Variants in GALNT17 observed in about 807,000 individuals in gnomAD.
The protein encoded by GALNT17 is UDP-GalNAc:polypeptide N-acetylgalactosaminyltransferase-like 3.
In GALNT17, 29 loss-of-function variants were observed where a neutral mutation model predicts 63.7. That is an observed-to-expected ratio of 0.46 (90% CI 0.34 to 0.62). The LOEUF (loss-of-function observed/expected upper bound fraction) is 0.62, where lower values mean the gene tolerates loss of function less well. Ranked by LOEUF, GALNT17 falls within the 20% of genes least tolerant of loss-of-function variation. GALNT17 has a pLI of 0.01. For synonymous variants in GALNT17, 305 were observed against 318.3 expected (o/e 0.96, Z 0.45); for missense variants, 603 against 799.6 (o/e 0.75, Z 2.97).
At chr7:71,362,846 C>T (rs2707427) in intron 2 of GALNT17, among the ~76,000 whole-genome samples, 4,786 of 152,242 alleles carry the variant, frequency 0.031, 247 homozygotes, top group African/African-American at 0.11. Context: ...ACTGAAAGAC[C>T]GTACACGGGT....
intron 6 of GALNT17, among the ~76,000 whole-genome samples, chr7:71,630,207 C>T (rs778267025): frequency 3.9e-5 from 6 of 152,196 alleles, no homozygotes; most frequent in African/African-American, 9.6e-5. Context: ...TACACCAGGC[C>T]AAAGTCACCA....
chr7:71,546,450 C>G lies in GALNT17; in HGVS notation c.963-24835C>G, dbSNP rs1788986447. Among the ~76,000 whole-genome samples the G allele has an allele frequency of 2.0e-5, 3 of 152,186 alleles. No individual in the cohort carries two copies. In the South Asian group the frequency reaches 6.2e-4, roughly 31 times the overall value. On this transcript the variant is annotated intron_variant, in intron 5 of 10. Coordinates refer to ENST00000333538, the MANE Select transcript of GALNT17 (RefSeq NM_022479.3). Reference sequence around the variant, plus strand: ...ATGCTGAGATTATAGGCCCAAGCCACTGCGCCCAGCTGACAACTTTCTTTT... The same window carrying G: ...ATGCTGAGATTATAGGCCCAAGCCAGTGCGCCCAGCTGACAACTTTCTTTT...
chr7:71,655,256 C>CTT (rs78993389), intron 6 of GALNT17, among the ~76,000 whole-genome samples: 137,837 of 151,954 alleles, frequency 0.91, 64,034 homozygotes, highest in South Asian at 1. Context: ...TCTTGTCTCT[C>CTT]AAAAAAAGAA....
chr7:71,519,114 C>T (rs1361644474), intron 5 of GALNT17, among the ~76,000 whole-genome samples: 1 of 152,130 alleles, frequency 6.6e-6, no homozygotes, highest in Non-Finnish European at 1.5e-5. Context: ...ACAAGTCCAG[C>T]TGGCTCAGGG....
chr7:71,404,521 A>G (rs1793293888), intron 3 of GALNT17, among the ~76,000 whole-genome samples: 1 of 152,152 alleles, frequency 6.6e-6, no homozygotes, highest in South Asian at 2.1e-4. Context: ...TAAGTCTGCA[A>G]AGCTGAGAGA....
intron 1 of GALNT17, among the ~76,000 whole-genome samples, chr7:71,273,854 T>TGTGAGAGA (rs763085671): frequency 2.0e-5 from 3 of 151,360 alleles, no homozygotes; most frequent in Non-Finnish European, 4.4e-5. Flanking sequence ...TGTGTGTGTG[T>TGTGAGAGA]GAGAGAGAGA....
At chr7:71,250,047 A>T (rs1257824772) in intron 1 of GALNT17, among the ~76,000 whole-genome samples, 3 of 152,218 alleles carry the variant, frequency 2.0e-5, no homozygotes, top group African/African-American at 7.2e-5. Context: ...TATAAATTAA[A>T]TTATAGCATT....
intron 5 of GALNT17, among the ~76,000 whole-genome samples, chr7:71,448,371 GT>G (rs1787195765): frequency 2.6e-5 from 4 of 152,072 alleles, no homozygotes; most frequent in African/African-American, 9.7e-5. Flanking sequence ...GTGTGTGTGT[GT>G]GTGTGTGGTC....
chr7:71,327,841 C>T (rs2116044697), intron 1 of GALNT17, among the ~76,000 whole-genome samples: 1 of 152,254 alleles, frequency 6.6e-6, no homozygotes, highest in Admixed American at 6.5e-5. Context: ...AGAGGCATGC[C>T]TGATAACAAC....
At chr7:71,694,567 C>T (rs916598263) in intron 9 of GALNT17, among the ~76,000 whole-genome samples, 2 of 151,922 alleles carry the variant, frequency 1.3e-5, no homozygotes, top group African/African-American at 2.4e-5. Context: ...AGTTAATGTT[C>T]GTATTTTTAG....
chr7:71,222,918 C>T (rs1204360642), intron 1 of GALNT17, among the ~76,000 whole-genome samples: 1 of 152,006 alleles, frequency 6.6e-6, no homozygotes, highest in Non-Finnish European at 1.5e-5. Context: ...AAAAAACCCC[C>T]CAAAATTAGC....
At chr7:71,456,574 G>A (rs1787360390) in intron 5 of GALNT17, among the ~76,000 whole-genome samples, 1 of 151,760 alleles carries the variant, frequency 6.6e-6, no homozygotes, top group South Asian at 2.1e-4. Flanking sequence ...AACTTAGCCG[G>A]GCATGGTGGC....
intron 5 of GALNT17, among the ~76,000 whole-genome samples, chr7:71,565,139 T>TGC (rs1230079573): frequency 6.6e-6 from 1 of 151,934 alleles, no homozygotes. Flanking sequence ...TGGTGCTGGG[T>TGC]GCCTGTAATC....
At chr7:71,140,686 G>A (rs1271056542) in intron 1 of GALNT17, among the ~76,000 whole-genome samples, 3 of 152,174 alleles carry the variant, frequency 2.0e-5, no homozygotes, top group African/African-American at 4.8e-5. Flanking sequence ...CAAGGCCAGC[G>A]AAGAAACAAC....
intron 1 of GALNT17, among the ~76,000 whole-genome samples, chr7:71,133,676 A>C (rs1353248671): frequency 6.6e-6 from 1 of 152,140 alleles, no homozygotes; most frequent in Non-Finnish European, 1.5e-5. Context: ...TCCAGAATGT[A>C]GCACAGAGAG....
At chr7:71,352,461 G>A (rs541550630) in intron 2 of GALNT17, among the ~76,000 whole-genome samples, 1 of 152,202 alleles carries the variant, frequency 6.6e-6, no homozygotes, top group Non-Finnish European at 1.5e-5. Flanking sequence ...ATGGGTGCAC[G>A]GTAGTGCCAT....
At chr7:71,257,521 T>C (rs770438092) in intron 1 of GALNT17, among the ~76,000 whole-genome samples, 22 of 152,218 alleles carry the variant, frequency 1.4e-4, no homozygotes, top group Non-Finnish European at 2.6e-4. Flanking sequence ...GTCAATATAA[T>C]TTACTGTATA....
chr7:71,565,645 T>A (rs936897611), intron 5 of GALNT17, among the ~76,000 whole-genome samples: 2 of 152,044 alleles, frequency 1.3e-5, no homozygotes, highest in African/African-American at 4.8e-5. Context: ...GTGCTCTAGC[T>A]GCTGGAAATA....
intron 5 of GALNT17, among the ~76,000 whole-genome samples, chr7:71,516,024 G>A (rs1398825162): frequency 1.3e-5 from 2 of 152,120 alleles, no homozygotes; most frequent in Non-Finnish European, 2.9e-5. Flanking sequence ...AGCCGATTAT[G>A]CATTTATCTT....
Sources: allele counts gnomAD v4.1 joint callset (sites outside exome capture counted in the v4.1 genomes callset), GRCh38; gene constraint gnomAD v4.1.1; transcripts MANE v1.5; gene names NCBI Gene and HGNC (gene_info 2026-07-23, HGNC 2026-07-21).